The following BNC2 variants were observed in gnomAD, a reference collection of about 807,000 sequenced individuals.
BNC2 encodes zinc finger protein basonuclin-2.
Under a neutral mutation model 76.3 loss-of-function variants are expected in BNC2, and 20 were observed. The observed-to-expected ratio is 0.26, with a 90% CI of 0.18 to 0.38. The LOEUF (loss-of-function observed/expected upper bound fraction) is 0.38, where lower values mean the gene tolerates loss of function less well. Ranked by LOEUF, BNC2 falls within the 10% of genes least tolerant of loss-of-function variation. The probability of loss-of-function intolerance (pLI) is 1.00; values close to 1 mark genes in which losing one functional copy is unlikely to be tolerated. For synonymous variants in BNC2, 582 were observed against 514.8 expected, an observed-to-expected ratio of 1.13 and a Z score of -1.77; for missense variants, 1,382 against 1,399.8, an observed-to-expected ratio of 0.99 and a Z score of 0.20.
At chr9:16,579,907 A>C (rs190072354) in intron 4 of BNC2, 2 of 391,696 alleles carry the variant, frequency 5.1e-6, no homozygotes, top group Non-Finnish European at 9.0e-6. Flanking sequence ...GATATTAAAA[A>C]TTTTTTTATT....
intron 5 of BNC2, among the ~76,000 whole-genome samples, chr9:16,493,693 A>C (rs937017512): frequency 6.6e-6 from 1 of 152,218 alleles, no homozygotes; most frequent in Non-Finnish European, 1.5e-5. Flanking sequence ...GATAAAAGTA[A>C]GGCATTCAGG....
chr9:16,640,163 G>C (rs540455151), intron 3 of BNC2, among the ~76,000 whole-genome samples: 2 of 151,410 alleles, frequency 1.3e-5, no homozygotes, highest in South Asian at 4.2e-4. Context: ...TCACATTTCA[G>C]GTTAAGAAAA....
intron 3 of BNC2, among the ~76,000 whole-genome samples, chr9:16,589,732 A>G (rs1017449146): frequency 2.0e-5 from 3 of 150,846 alleles, no homozygotes; most frequent in Non-Finnish European, 1.5e-5. Context: ...CTGGTCTCAA[A>G]CTCCTGACTT....
Position 16,526,467 on chromosome 9 carries a change from CTTTTTTTTTTT to C in BNC2, c.669+26052_669+26062del, listed in dbSNP as rs144511624. Among the ~76,000 whole-genome samples the C allele has an allele frequency of 3.5e-4, 17 of 48,820 alleles. No homozygotes were observed. In the East Asian group the frequency reaches 9.2e-3, roughly 26 times the overall value. The allele number at this position is 48,820 out of a possible 152,430, so 32.0% of individuals were successfully genotyped here. ...GATTACTTCCCAACATAGTTTAATG[CTTTTTTTTTTT>C]TTTTTTTTTTTTTTTGCCTTGTGAT... On this transcript the variant is annotated intron_variant, in intron 5 of 6. Transcript: ENST00000380672.
intron 1 of BNC2, among the ~76,000 whole-genome samples, chr9:16,753,198 C>T (rs1378610231): frequency 6.6e-6 from 1 of 152,132 alleles, no homozygotes; most frequent in Non-Finnish European, 1.5e-5. Context: ...AAGCATAAAA[C>T]TACATTCTTC....
intron 1 of BNC2, among the ~76,000 whole-genome samples, chr9:16,743,367 G>T (rs905792653): frequency 2.6e-5 from 4 of 151,874 alleles, no homozygotes; most frequent in African/African-American, 4.8e-5. Flanking sequence ...CCTGTGCTCT[G>T]TCCAACATTA....
At chr9:16,767,892 T>C (rs528889086) in intron 1 of BNC2, among the ~76,000 whole-genome samples, 2 of 152,052 alleles carry the variant, frequency 1.3e-5, no homozygotes, top group South Asian at 2.1e-4. Context: ...AATACTTCAG[T>C]AGCTATCAAA....
chr9:16,507,625 C>T (rs1161549513), intron 5 of BNC2, among the ~76,000 whole-genome samples: 1 of 152,124 alleles, frequency 6.6e-6, no homozygotes, highest in African/African-American at 2.4e-5. Context: ...GACAGGGTTT[C>T]ATTATGTTGG....
At chr9:16,727,255 C>T (rs1824364829) in intron 3 of BNC2, 1 of 157,286 alleles carries the variant, frequency 6.4e-6, no homozygotes, top group African/African-American at 2.4e-5. Context: ...CGCACGCCGA[C>T]TCCTCCAGCA....
At chr9:16,809,173 T>C (rs973377398) in intron 1 of BNC2, among the ~76,000 whole-genome samples, 1 of 152,096 alleles carries the variant, frequency 6.6e-6, no homozygotes, top group Non-Finnish European at 1.5e-5. Flanking sequence ...ACAAGGGCCT[T>C]GTCTCAGCGC....
chr9:16,444,247 C>T (rs1476012651), intron 5 of BNC2, among the ~76,000 whole-genome samples: 3 of 152,172 alleles, frequency 2.0e-5, no homozygotes, highest in African/African-American at 4.8e-5. Context: ...CACACACACA[C>T]ACAGAGTTTA....
intron 3 of BNC2, among the ~76,000 whole-genome samples, chr9:16,687,349 C>T (rs571674656): frequency 6.6e-6 from 1 of 152,104 alleles, no homozygotes; most frequent in African/African-American, 2.4e-5. Flanking sequence ...GCTCCTTGGT[C>T]TAGGACAACA....
chr9:16,729,380 A>C (rs1315423758), intron 2 of BNC2, among the ~76,000 whole-genome samples: 1 of 152,216 alleles, frequency 6.6e-6, no homozygotes, highest in Non-Finnish European at 1.5e-5. Context: ...CTCAAGAATA[A>C]CAATAAACCT....
intron 5 of BNC2, among the ~76,000 whole-genome samples, chr9:16,498,692 GA>G (rs34031800): frequency 4.7e-4 from 69 of 146,536 alleles, no homozygotes; most frequent in African/African-American, 6.5e-4. Context: ...CTATAATCAA[GA>G]AAAAAAAAAG....
chr9:16,853,603 G>A (rs959847663), intron 1 of BNC2, among the ~76,000 whole-genome samples: 4 of 151,560 alleles, frequency 2.6e-5, no homozygotes, highest in African/African-American at 4.8e-5. Context: ...GCTGTGGCTC[G>A]CGCCTGCAAT....
intron 1 of BNC2, among the ~76,000 whole-genome samples, chr9:16,856,993 A>G (rs1029729976): frequency 6.6e-6 from 1 of 152,234 alleles, no homozygotes. Flanking sequence ...GCCAAATAAT[A>G]GCATATATGA....
At chr9:16,836,330 A>G (rs977938606) in intron 1 of BNC2, among the ~76,000 whole-genome samples, 3 of 152,134 alleles carry the variant, frequency 2.0e-5, no homozygotes. Flanking sequence ...GGGTATAATC[A>G]ATTATTACTA....
chr9:16,796,210 C>G (rs1027204456), intron 1 of BNC2, among the ~76,000 whole-genome samples: 3 of 152,218 alleles, frequency 2.0e-5, no homozygotes, highest in Non-Finnish European at 4.4e-5. Context: ...AACTTGGCTT[C>G]TTTCGTAAGT....
At chr9:16,836,411 A>C (rs560829271) in intron 1 of BNC2, among the ~76,000 whole-genome samples, 3 of 152,154 alleles carry the variant, frequency 2.0e-5, no homozygotes, top group Admixed American at 6.5e-5. Context: ...ATAAAGGGGT[A>C]TATGAAAATT....
Sources: gnomAD v4.1 joint callset for allele counts (sites outside exome capture counted in the v4.1 genomes callset) on GRCh38, gnomAD v4.1.1 for gene constraint, MANE v1.5 for transcripts, NCBI Gene and HGNC (gene_info 2026-07-23, HGNC 2026-07-21) for gene names.